Variants in DYNC1H1 observed in about 807,000 individuals in gnomAD.
DYNC1H1 encodes dynein cytoplasmic 1 heavy chain 1, also known as cytoplasmic dynein 1 heavy chain 1.
DYNC1H1 carries 51 observed loss-of-function variants against 527.1 expected under a neutral mutation model. That is an observed-to-expected ratio of 0.10 (90% CI 0.08 to 0.12). DYNC1H1 has a LOEUF of 0.12. DYNC1H1 is among the 10% of genes least tolerant of loss of function. The pLI is 1.00. For missense variants in DYNC1H1, 2,771 were observed against 5,971.8 expected, an observed-to-expected ratio of 0.46 and a Z score of 17.66; for synonymous variants, 2,189 against 2,278.8, an observed-to-expected ratio of 0.96 and a Z score of 1.12.
At chr14:102,028,813 A>G (rs1470065195) in intron 48 of DYNC1H1, 1 of 162,196 alleles carries the variant, frequency 6.2e-6, no homozygotes, top group African/African-American at 2.4e-5. Context: ...TTTAACCTTT[A>G]CAGGTGGAGT....
Position 101,979,517 on chromosome 14 carries a change from T to G in DYNC1H1, c.518+25T>G. 2 of 1,614,032 alleles carry G rather than the reference T, an allele frequency of 1.2e-6. No individual in the cohort carries two copies. The highest frequency in any genetic ancestry group is 1.7e-6 in the Non-Finnish European group (2 of 1,179,936). ...GGTAAAAACTGTGGTTTGAATGTTA[T>G]ATTTCACTTAATGTTCACAAGATAG... On this transcript the variant is annotated intron_variant, in intron 3 of 77. Coordinates refer to ENST00000360184, the MANE Select transcript of DYNC1H1 (RefSeq NM_001376.5). This position sits in a 1 kb window ranked among gnomAD's most constrained non-coding sequence, Gnocchi z 4.6.
Position 102,015,751 on chromosome 14 carries a change from T to G in DYNC1H1, c.7243-105T>G. ...CTGGTCATTGAAGCTTCATCCAAAA[T>G]GAGTTTTCCAAGGTCGTATGACCTT... On this transcript the variant is annotated intron_variant, in intron 35 of 77. Transcript: ENST00000360184. The surrounding 1 kb of genome is among the most constrained non-coding windows in gnomAD (Gnocchi z 6.9). 7.9e-7 allele frequency: 1 copy of G among 1,259,226 alleles called. No homozygotes were observed. Among genetic ancestry groups the G allele is most frequent in the Non-Finnish European group, 1.1e-6 (1 of 888,550 alleles). 78.0% of individuals were successfully genotyped at this position (1,259,226 alleles called of 1,614,324 possible). A position where few individuals can be genotyped will look rare whatever the true frequency, so the allele number is the denominator to read the frequency against.
At chr14:102,008,868 C>G (rs1202479141) in intron 29 of DYNC1H1, among the ~76,000 whole-genome samples, 1 of 152,168 alleles carries the variant, frequency 6.6e-6, no homozygotes, top group Non-Finnish European at 1.5e-5. Context: ...TTTCTATGTC[C>G]TAGGACAACC....
rs17541262 is a variant in DYNC1H1, at chr14:102,022,729, G to A, written c.8508-22G>A. ...CACCGTGCCCTCTAGTTACCTAAAT[G>A]CACATGCTGCTCTCCCCACAGACTC... On this transcript the variant is annotated intron_variant, in intron 42 of 77. Coordinates refer to ENST00000360184, the MANE Select transcript of DYNC1H1 (RefSeq NM_001376.5). 52 of 1,613,798 alleles carry A rather than the reference G, an allele frequency of 3.2e-5. No homozygotes were observed. In the East Asian group the frequency reaches 1.2e-3, roughly 36 times the overall value.
chr14:102,006,828 G>C (rs2141290235), intron 27 of DYNC1H1, among the ~76,000 whole-genome samples, 180 bp from the exon 28 acceptor site: 1 of 151,784 alleles, frequency 6.6e-6, no homozygotes, highest in African/African-American at 2.4e-5. Flanking sequence ...TCGAACTCCT[G>C]ACCTCAGGTG....
At chr14:101,991,737 A>G (rs1232533504) in intron 11 of DYNC1H1, 64 bp downstream of exon 11, 1 of 1,600,358 alleles carries the variant, frequency 6.2e-7, no homozygotes, top group African/African-American at 1.3e-5. Flanking sequence ...CTGTGATACC[A>G]CTTCTTCATG....
Position 102,018,003 on chromosome 14 carries a change from G to A in DYNC1H1, c.8178-448G>A, listed in dbSNP as rs1242258645. Reference sequence around the variant, plus strand: ...TGCCTGTAGTCCCAGCTACTTGGGAGGCTGAGGCAGCAGAATGGTGTGAAC... The same window carrying A: ...TGCCTGTAGTCCCAGCTACTTGGGAAGCTGAGGCAGCAGAATGGTGTGAAC... On this transcript the variant is annotated intron_variant, in intron 40 of 77. Transcript: ENST00000360184. This position sits in a 1 kb window ranked among gnomAD's most constrained non-coding sequence, Gnocchi z 5.2. 1 of 264,356 alleles carries A rather than the reference G, an allele frequency of 3.8e-6. No individual in the cohort carries two copies. Among genetic ancestry groups the A allele is most frequent in the African/African-American group, 2.2e-5 (1 of 44,636 alleles). The allele number at this position is 264,356 out of a possible 1,614,324, so 16.4% of individuals were successfully genotyped here.
Position 102,018,576 on chromosome 14 carries a change from C to T in DYNC1H1, c.8303C>T (p.Pro2768Leu). 4 of 1,612,568 alleles carry T rather than the reference C, an allele frequency of 2.5e-6. No individual in the cohort carries two copies. Among genetic ancestry groups the T allele is most frequent in the East Asian group, 2.2e-5 (1 of 44,788 alleles). Residue 2768 changes from proline to leucine, a missense_variant, in exon 41 of 78, where the codon CCG becomes CTG. Pro to Leu is a moderately conservative substitution (Grantham distance 98). Transcript: ENST00000360184. This position sits in a 1 kb window ranked among gnomAD's most constrained non-coding sequence, Gnocchi z 5.2. ...CCATCCCTGCGGACGTATGCAGAGC[C>T]GCTCACTGCTGCCATGGTGGAGTTC... is the stretch of plus-strand genomic sequence containing the variant. The part of the protein sequence containing the change: ...LIPSLRTYAE[P>L]LTAAMVEFYT...
chr14:102,009,781 A>G, intron 29 of DYNC1H1, 62 bp from the exon 30 acceptor site: 1 of 1,608,562 alleles, frequency 6.2e-7, no homozygotes, highest in East Asian at 2.2e-5. Flanking sequence ...GAGACATTTT[A>G]GAATGCATTT....
In DYNC1H1 at chr14:101,970,470, G is replaced by GTTTTT. The variant is rs1324948272; in HGVS notation, c.257-5240_257-5239insTTTTT. ...GTGGTATTAGTATGTTTGGTTTGTT[G>GTTTTT]TTGTTTTTTTTTTTTTTTTTTTTTT... On this transcript the variant is annotated intron_variant, in intron 1 of 77. Coordinates refer to ENST00000360184, the MANE Select transcript of DYNC1H1 (RefSeq NM_001376.5). 4.7e-3 allele frequency among the ~76,000 whole-genome samples: 449 copies of GTTTTT among 96,286 alleles called. 101 individuals carry two copies. The highest frequency in any genetic ancestry group is 0.017 in the African/African-American group (349 of 21,036). 63.2% of individuals were successfully genotyped at this position (96,286 alleles called of 152,430 possible).
rs1335436573 is a variant in DYNC1H1, at chr14:101,997,983, G to A, written c.3804+709G>A. On this transcript the variant is annotated intron_variant, in intron 16 of 77. Coordinates refer to ENST00000360184, the MANE Select transcript of DYNC1H1 (RefSeq NM_001376.5). The surrounding 1 kb of genome is among the most constrained non-coding windows in gnomAD (Gnocchi z 4.8). The stretch of plus-strand genomic sequence containing the variant: ...CTGTGCCTGGGAGGGTGGTGTGGAA[G>A]GGGGCTGGCAACTCATGCTGATAGC... 6.6e-6 allele frequency among the ~76,000 whole-genome samples: 1 copy of A among 152,236 alleles called. No homozygotes were observed. Among genetic ancestry groups the A allele is most frequent in the Admixed American group, 6.5e-5 (1 of 15,284 alleles).
chr14:102,040,117 T>C, intron 62 of DYNC1H1, 119 bp from the exon 63 acceptor site: 1 of 1,379,116 alleles, frequency 7.3e-7, no homozygotes, highest in Non-Finnish European at 1.0e-6. Context: ...AGTGCTGAGA[T>C]TATAGGCCTG....
At chr14:101,968,926 C>T (rs1277968232) in intron 1 of DYNC1H1, among the ~76,000 whole-genome samples, 1 of 150,614 alleles carries the variant, frequency 6.6e-6, no homozygotes, top group Non-Finnish European at 1.5e-5. Flanking sequence ...TCCAACACAA[C>T]ATATCACCAT....
At position 102,033,596 on chromosome 14, in the gene DYNC1H1, A is replaced by T. The variant is rs554199287; in HGVS notation, c.10413+112A>T. ...GGCCTCGGTGAATTCGCTCTTTAAC[A>T]TCTGTAAGGCCCCGGAGGACTTTTT... On this transcript the variant is annotated intron_variant, in intron 54 of 77. Coordinates refer to ENST00000360184, the MANE Select transcript of DYNC1H1 (RefSeq NM_001376.5). This position sits in a 1 kb window ranked among gnomAD's most constrained non-coding sequence, Gnocchi z 5.6. 2.9e-6 allele frequency: 4 copies of T among 1,395,720 alleles called. No homozygotes were observed. Among genetic ancestry groups the T allele is most frequent in the East Asian group, 4.9e-5 (2 of 40,466 alleles). The allele number at this position is 1,395,720 out of a possible 1,614,324, so 86.5% of individuals were successfully genotyped here.
chr14:102,045,535 C>G (rs113488457), intron 72 of DYNC1H1, among the ~76,000 whole-genome samples: 17 of 151,866 alleles, frequency 1.1e-4, no homozygotes, highest in African/African-American at 4.1e-4. Context: ...CTCTTGAACC[C>G]GGGAGGCAGA....
intron 43 of DYNC1H1, chr14:102,023,189 C>T (rs1245971500): frequency 2.6e-6 from 1 of 391,194 alleles, no homozygotes; most frequent in East Asian, 6.4e-5. Context: ...TCACAGTGAG[C>T]TGTGGTCACA....
chr14:101,983,828 C>T lies in DYNC1H1; in HGVS notation c.1461+219C>T, dbSNP rs2047896328. Reference sequence around the variant, plus strand: ...GAGTAGCTGGGATTACAGGTGCCTGCCACCACGCCCGGCTAATTGTTTATA... The same window carrying T: ...GAGTAGCTGGGATTACAGGTGCCTGTCACCACGCCCGGCTAATTGTTTATA... On this transcript the variant is annotated intron_variant, in intron 7 of 77. Coordinates refer to ENST00000360184, the MANE Select transcript of DYNC1H1 (RefSeq NM_001376.5). This position sits in a 1 kb window ranked among gnomAD's most constrained non-coding sequence, Gnocchi z 5.3. Among the ~76,000 whole-genome samples the T allele has an allele frequency of 2.0e-5, 3 of 152,006 alleles. No homozygotes were observed. The South Asian group carries it at 6.2e-4, about 32-fold the overall frequency.
rs868691855 is a variant in DYNC1H1 at position 102,010,463 on chromosome 14, C to T, written c.6405+4C>T. The T allele has an allele frequency of 1.9e-6, 3 of 1,613,602 alleles. No homozygotes were observed. Among genetic ancestry groups the T allele is most frequent in the African/African-American group, 2.7e-5 (2 of 74,888 alleles). ...TGAAAATCTCCCTGAACAAGAGGTTCGTTACAAACGTTTTGATCACTCAAA... is the reference window on the plus strand; with the variant it reads ...TGAAAATCTCCCTGAACAAGAGGTTTGTTACAAACGTTTTGATCACTCAAA... On this transcript the variant is annotated splice_donor_region_variant and intron_variant, in intron 31 of 77. Coordinates refer to ENST00000360184, the MANE Select transcript of DYNC1H1 (RefSeq NM_001376.5). The surrounding 1 kb of genome is among the most constrained non-coding windows in gnomAD (Gnocchi z 6.0).
Position 101,988,738 on chromosome 14 carries a change from C to T in DYNC1H1, c.2754C>T (p.Gly918=), listed in dbSNP as rs543139363. The change falls in exon 10 of 78, where the codon GGC becomes GGT. Residue 918 remains glycine (G), a synonymous_variant. Coordinates refer to ENST00000360184, the MANE Select transcript of DYNC1H1 (RefSeq NM_001376.5). ...ERILGVRLQA[G]LRAWTQVLLG... ...TATTGGGCGTCCGTCTGCAAGCTGG[C>T]CTGAGAGCTTGGACGCAGGTTCTTC... 3 of 1,614,154 alleles carry T rather than the reference C, an allele frequency of 1.9e-6. No individual in the cohort carries two copies. The East Asian group carries it at 6.7e-5, about 36-fold the overall frequency.
Sources: allele counts gnomAD v4.1 joint callset (sites outside exome capture counted in the v4.1 genomes callset), GRCh38; gene constraint gnomAD v4.1.1; non-coding constraint Gnocchi (gnomAD v3.1); transcripts MANE v1.5; gene names NCBI Gene and HGNC (gene_info 2026-07-23, HGNC 2026-07-21).